Variants in C6orf62 observed in about 807,000 individuals in gnomAD.
C6orf62 encodes chromosome 6 open reading frame 62.
A neutral mutation model predicts 26.8 loss-of-function variants in C6orf62; 16 were observed. That is an observed-to-expected ratio of 0.60 (90% CI 0.40 to 0.91). C6orf62 has a LOEUF of 0.91. Among genes scored for constraint, C6orf62 ranks in the 40% least tolerant of loss-of-function variants. The pLI is 0.00. For missense variants in C6orf62, 192 were observed against 271.4 expected (o/e 0.71, Z 2.06); for synonymous variants, 112 against 91.5 (o/e 1.22, Z -1.28).
At chr6:24,718,132 G>A (rs993762493) in intron 1 of C6orf62, among the ~76,000 whole-genome samples, 6 of 152,210 alleles carry the variant, frequency 3.9e-5, no homozygotes, top group Admixed American at 1.3e-4. Context: ...CGCAGTTTAA[G>A]AAACAGGATA....
chr6:24,714,280 A>G (rs760636950), intron 3 of C6orf62, 38 bp downstream of exon 3: 16 of 1,541,156 alleles, frequency 1.0e-5, no homozygotes, highest in Non-Finnish European at 1.4e-5. Flanking sequence ...AGTAGTTTTC[A>G]CATATTGAAA....
chr6:24,720,079 T>A, upstream of C6orf62: 2 of 1,186,414 alleles, frequency 1.7e-6, no homozygotes, highest in South Asian at 1.5e-5. Flanking sequence ...GAACAGACCA[T>A]GTTTCCAGAG....
At chr6:24,709,718 T>C in intron 3 of C6orf62, 1 of 985,452 alleles carries the variant, frequency 1.0e-6, no homozygotes, top group Non-Finnish European at 1.2e-6. Flanking sequence ...CCTTCAATCT[T>C]TTAACATGAG....
chr6:24,718,687 C>A lies in C6orf62; in HGVS notation c.-19G>T. On this transcript the variant is annotated 5_prime_UTR_variant, in exon 1 of 5. Transcript: ENST00000378119. Reference sequence around the variant, plus strand: ...CCCCCATTTTGAAATACAGGTGGTACTAAAGCCTTTGGAAATTGTCACTAA... The same window carrying A: ...CCCCCATTTTGAAATACAGGTGGTAATAAAGCCTTTGGAAATTGTCACTAA... The A allele has an allele frequency of 6.2e-7, 1 of 1,611,918 alleles. No individual in the cohort carries two copies. The highest frequency in any genetic ancestry group is 8.5e-7 in the Non-Finnish European group (1 of 1,179,568).
Position 24,706,620 on chromosome 6 carries a change from A to G in C6orf62, c.565-358T>C, listed in dbSNP as rs550190141. The G allele has an allele frequency of 3.5e-4, 69 of 196,532 alleles. 1 individual carries two copies. In the East Asian group the frequency reaches 7.7e-3, roughly 22 times the overall value. The allele number at this position is 196,532 out of a possible 1,614,324, so 12.2% of individuals were successfully genotyped here. A position where few individuals can be genotyped will look rare whatever the true frequency, so the allele number is the denominator to read the frequency against. On this transcript the variant is annotated intron_variant, in intron 4 of 4. Transcript: ENST00000378119. ...CTAGTGAGAGGATGAAGGAATAGGT[A>G]AAAATTTAAGGCTGGGTGTGGTGGC...
chr6:24,720,013 G>GGGGGGCCC, upstream of C6orf62: 18 of 1,479,106 alleles, frequency 1.2e-5, no homozygotes, highest in Non-Finnish European at 1.4e-5. Context: ...TCTAAAGTAA[G>GGGGGGCCC]CCCACCCACC....
At chr6:24,712,614 G>T (rs1418887947) in intron 3 of C6orf62, among the ~76,000 whole-genome samples, 1 of 146,238 alleles carries the variant, frequency 6.8e-6, no homozygotes, top group Non-Finnish European at 1.5e-5. Flanking sequence ...GGCAGAGGTT[G>T]CAAGGAGGAG....
At chr6:24,715,391 A>G (rs1779201292) in intron 2 of C6orf62, among the ~76,000 whole-genome samples, 1 of 152,232 alleles carries the variant, frequency 6.6e-6, no homozygotes, top group South Asian at 2.1e-4. Context: ...AAAAGGAAAT[A>G]CAATAAACGG....
At chr6:24,715,010 T>G (rs1245641184) in intron 2 of C6orf62, among the ~76,000 whole-genome samples, 2 of 152,168 alleles carry the variant, frequency 1.3e-5, no homozygotes, top group Non-Finnish European at 1.5e-5. Flanking sequence ...TGGTGAAAAC[T>G]CCAACAAAAT....
At chr6:24,709,182 T>C (rs1368178255) in intron 3 of C6orf62, 4 of 978,566 alleles carry the variant, frequency 4.1e-6, no homozygotes, top group Non-Finnish European at 4.9e-6. Context: ...GAACAATCTC[T>C]TGAGATACAG....
chr6:24,711,946 G>A (rs1344778938), intron 3 of C6orf62, among the ~76,000 whole-genome samples: 1 of 152,138 alleles, frequency 6.6e-6, no homozygotes, highest in African/African-American at 2.4e-5. Context: ...AATTTTCACA[G>A]TACAGGGTAG....
intron 1 of C6orf62, among the ~76,000 whole-genome samples, chr6:24,718,076 G>A (rs1562172097): frequency 6.6e-6 from 1 of 152,080 alleles, no homozygotes; most frequent in Non-Finnish European, 1.5e-5. Context: ...CTCCTAAAAG[G>A]TGTATTCTAC....
rs1217844250 is a variant in C6orf62, at chr6:24,709,085, A to T, written c.430-174T>A. On this transcript the variant is annotated intron_variant, in intron 3 of 4. Coordinates refer to ENST00000378119, the MANE Select transcript of C6orf62 (RefSeq NM_030939.5). Reference sequence around the variant, plus strand: ...CAATAATATCACAGGCAAAATTTAGATTAAAAGCAATTTACAATTCCATTC... The same window carrying T: ...CAATAATATCACAGGCAAAATTTAGTTTAAAAGCAATTTACAATTCCATTC... The T allele has an allele frequency of 8.1e-6, 8 of 985,124 alleles. No individual in the cohort carries two copies. The African/African-American group carries it at 1.4e-4, about 17-fold the overall frequency. 61.0% of individuals were successfully genotyped at this position (985,124 alleles called of 1,614,324 possible). A position where few individuals can be genotyped will look rare whatever the true frequency, so the allele number is the denominator to read the frequency against.
intron 3 of C6orf62, among the ~76,000 whole-genome samples, chr6:24,713,039 TA>T (rs1779152857): frequency 6.6e-6 from 1 of 152,224 alleles, no homozygotes; most frequent in Admixed American, 6.5e-5. Flanking sequence ...TATCATCCAT[TA>T]AATGACCGAA....
chr6:24,710,442 T>G (rs1056920637), intron 3 of C6orf62: 3 of 396,572 alleles, frequency 7.6e-6, no homozygotes, highest in Non-Finnish European at 1.0e-5. Flanking sequence ...TTTTGTGTTT[T>G]TAGTAGAGAT....
At chr6:24,720,207 G>C, upstream of C6orf62, 1 of 1,352,766 alleles carries the variant, frequency 7.4e-7, no homozygotes, top group Non-Finnish European at 9.5e-7. Context: ...CGGAGCCCGG[G>C]ACTCACGGAC....
Position 24,708,229 on chromosome 6 carries a change from T to C in C6orf62, c.564+548A>G, listed in dbSNP as rs112659787. 2.4e-3 allele frequency among the ~76,000 whole-genome samples: 346 copies of C among 145,754 alleles called. 2 individuals are homozygous for C. The highest frequency in any genetic ancestry group is 8.6e-3 in the African/African-American group (330 of 38,592). ...ACTAGAATCATGACTTTTAAAAGCT[T>C]CGAAGGAGGTGGGTTTTTTCCCGTT... On this transcript the variant is annotated intron_variant, in intron 4 of 4. Coordinates refer to ENST00000378119, the MANE Select transcript of C6orf62 (RefSeq NM_030939.5).
chr6:24,717,838 A>C (rs1401458861), intron 1 of C6orf62, among the ~76,000 whole-genome samples: 2 of 152,242 alleles, frequency 1.3e-5, no homozygotes, highest in Non-Finnish European at 2.9e-5. Context: ...TTTAAGTTGC[A>C]AAAAATACTG....
upstream of C6orf62, chr6:24,719,310 C>T (rs552035817): frequency 2.2e-4 from 218 of 992,708 alleles, no homozygotes; most frequent in South Asian, 5.2e-4. Context: ...TTCACTATTG[C>T]TATGTATTGT....
Sources: gnomAD v4.1 joint callset for allele counts (sites outside exome capture counted in the v4.1 genomes callset) on GRCh38, gnomAD v4.1.1 for gene constraint, MANE v1.5 for transcripts, NCBI Gene and HGNC (gene_info 2026-07-23, HGNC 2026-07-21) for gene names.